SLC4A4: variants seen among roughly 807,000 people sequenced by gnomAD.
SLC4A4 encodes the protein electrogenic sodium bicarbonate cotransporter 1.
Under a neutral mutation model 111.5 loss-of-function variants are expected in SLC4A4, and 27 were observed. The observed-to-expected ratio is 0.24, with a 90% CI of 0.18 to 0.33. The LOEUF (loss-of-function observed/expected upper bound fraction) is 0.33, where lower values mean the gene tolerates loss of function less well. SLC4A4 is among the 10% of genes least tolerant of loss of function. The pLI is 1.00. For missense variants in SLC4A4, 909 were observed against 1,315.5 expected, an observed-to-expected ratio of 0.69 and a Z score of 4.78; for synonymous variants, 443 against 463.4, an observed-to-expected ratio of 0.96 and a Z score of 0.57.
At position 71,459,301 on chromosome 4, in the gene SLC4A4, G is replaced by T. The variant is rs926187422; in HGVS notation, c.1497+5632G>T. On this transcript the variant is annotated intron_variant, in intron 12 of 25. Transcript: ENST00000264485. ...TGACTTGCAACTGTTTTGAGAATAAGATATAATTATGTATTGTAGAAAATT... is the reference window on the plus strand; with the variant it reads ...TGACTTGCAACTGTTTTGAGAATAATATATAATTATGTATTGTAGAAAATT... Among the ~76,000 whole-genome samples, 4 of 151,988 alleles carry T rather than the reference G, an allele frequency of 2.6e-5. No individual in the cohort carries two copies. The East Asian group carries it at 5.8e-4, about 22-fold the overall frequency.
At chr4:71,386,061 A>T (rs1159782563) in intron 6 of SLC4A4, among the ~76,000 whole-genome samples, 3 of 151,018 alleles carry the variant, frequency 2.0e-5, no homozygotes, top group Non-Finnish European at 4.4e-5. Flanking sequence ...TTTCATGCTC[A>T]ATTGATGATT....
At chr4:71,478,050 A>G (rs545069659) in intron 14 of SLC4A4, among the ~76,000 whole-genome samples, 1 of 152,162 alleles carries the variant, frequency 6.6e-6, no homozygotes, top group African/African-American at 2.4e-5. Context: ...AATGCAAATC[A>G]AAACCACAAT....
At position 71,347,691 on chromosome 4, in the gene SLC4A4, G is replaced by A. The variant is rs1026690099; in HGVS notation, c.390-2221G>A. Among the ~76,000 whole-genome samples, 9 of 152,254 alleles carry A rather than the reference G, an allele frequency of 5.9e-5. No individual in the cohort carries two copies. In the East Asian group the frequency reaches 1.7e-3, roughly 29 times the overall value. On this transcript the variant is annotated intron_variant, in intron 4 of 25. Coordinates refer to ENST00000264485, the MANE Select transcript of SLC4A4 (RefSeq NM_001098484.3). Reference sequence around the variant, plus strand: ...AAAAGAACTACTGTATATAAGTGAGGCTTAGTTTTTTTTTAAGTAATAGAA... The same window carrying A: ...AAAAGAACTACTGTATATAAGTGAGACTTAGTTTTTTTTTAAGTAATAGAA...
At chr4:71,248,026 A>G (rs1200875592) in intron 2 of SLC4A4, among the ~76,000 whole-genome samples, 2 of 151,378 alleles carry the variant, frequency 1.3e-5, no homozygotes, top group Admixed American at 6.6e-5. Context: ...GCTTCTGGAC[A>G]GAGTTAGGGA....
chr4:71,199,944 T>A (rs1746174306), intron 1 of SLC4A4, among the ~76,000 whole-genome samples: 2 of 144,940 alleles, frequency 1.4e-5, no homozygotes, highest in African/African-American at 2.7e-5. Context: ...AACCACTGTG[T>A]CCAGCCCACG....
At chr4:71,149,316 T>C (rs1744256526) in intron 2 of SLC4A4, among the ~76,000 whole-genome samples, 1 of 152,068 alleles carries the variant, frequency 6.6e-6, no homozygotes, top group South Asian at 2.1e-4. Flanking sequence ...AGAAAAAAAA[T>C]TATAAGAAGA....
chr4:71,127,568 A>C (rs1307338840), intron 2 of SLC4A4, among the ~76,000 whole-genome samples: 2 of 152,238 alleles, frequency 1.3e-5, no homozygotes, highest in Non-Finnish European at 2.9e-5. Context: ...AACAAAAAGT[A>C]TATTAAATCA....
At chr4:71,437,253 T>TA (rs1724244993) in intron 7 of SLC4A4, 2 of 367,844 alleles carry the variant, frequency 5.4e-6, no homozygotes, top group Non-Finnish European at 1.1e-5. Context: ...TATCAAGCCT[T>TA]TGCCCAGTGA....
intron 7 of SLC4A4, chr4:71,437,404 C>A (rs765948305): frequency 1.7e-5 from 5 of 298,206 alleles, no homozygotes; most frequent in Admixed American, 4.0e-5. Flanking sequence ...GGGATTGCAT[C>A]GGGTAATACT....
intron 1 of SLC4A4, among the ~76,000 whole-genome samples, chr4:71,071,168 G>A (rs1255501568): frequency 6.6e-6 from 1 of 151,600 alleles, no homozygotes; most frequent in Non-Finnish European, 1.5e-5. Flanking sequence ...CTATTCAGGA[G>A]ACTGAGGCAG....
chr4:71,565,890 T>G (rs1427171430), intron 24 of SLC4A4, among the ~76,000 whole-genome samples: 1 of 151,850 alleles, frequency 6.6e-6, no homozygotes, highest in African/African-American at 2.4e-5. Flanking sequence ...GGGCTCCCCA[T>G]GATATGGCCT....
At chr4:71,255,504 C>T (rs1271603856) in intron 3 of SLC4A4, 105 bp downstream of exon 3, 8 of 1,135,050 alleles carry the variant, frequency 7.0e-6, no homozygotes, top group Non-Finnish European at 9.3e-6. Context: ...CACTGTAATA[C>T]TGAGATGTTT....
intron 7 of SLC4A4, among the ~76,000 whole-genome samples, chr4:71,414,635 C>A (rs971765396): frequency 6.6e-6 from 1 of 152,146 alleles, no homozygotes; most frequent in Non-Finnish European, 1.5e-5. Flanking sequence ...GAAGAGAATG[C>A]ATGTAAAACA....
intron 2 of SLC4A4, among the ~76,000 whole-genome samples, chr4:71,141,213 G>T (rs113442221): frequency 1.3e-5 from 2 of 152,222 alleles, no homozygotes; most frequent in East Asian, 3.9e-4. Flanking sequence ...CTATGAGTTC[G>T]ATTATTTCAG....
In SLC4A4 at chr4:71,236,576, G is replaced by C. The variant is rs1719829842; in HGVS notation, c.-1G>C. ...CTTTTTTTCTTTTTTATTACTATAGGATGGAGGATGAAGCTGTCCTGGACA... is the reference window on the plus strand; with the variant it reads ...CTTTTTTTCTTTTTTATTACTATAGCATGGAGGATGAAGCTGTCCTGGACA... On this transcript the variant is annotated splice_region_variant and 5_prime_UTR_variant, in exon 2 of 26. Coordinates refer to ENST00000264485, the MANE Select transcript of SLC4A4 (RefSeq NM_001098484.3). 1 of 1,613,102 alleles carries C rather than the reference G, an allele frequency of 6.2e-7. No homozygotes were observed.
At chr4:71,555,786 C>T (rs548954858) in intron 21 of SLC4A4, among the ~76,000 whole-genome samples, 1 of 152,026 alleles carries the variant, frequency 6.6e-6, no homozygotes, top group African/African-American at 2.4e-5. Flanking sequence ...CTTTTAATCT[C>T]AGCTACTTGG....
At chr4:71,150,445 T>A (rs1744285042) in intron 2 of SLC4A4, among the ~76,000 whole-genome samples, 1 of 152,160 alleles carries the variant, frequency 6.6e-6, no homozygotes, top group Non-Finnish European at 1.5e-5. Context: ...ATATCCTGAT[T>A]CCCTCATGTG....
chr4:71,417,617 T>C (rs2149012045), intron 7 of SLC4A4, among the ~76,000 whole-genome samples: 1 of 152,354 alleles, frequency 6.6e-6, no homozygotes, highest in Admixed American at 6.5e-5. Flanking sequence ...AGTGCTGTTG[T>C]CTTTATTTGG....
intron 14 of SLC4A4, among the ~76,000 whole-genome samples, chr4:71,481,580 G>A (rs979343023): frequency 6.6e-6 from 1 of 151,662 alleles, no homozygotes; most frequent in Non-Finnish European, 1.5e-5. Context: ...GAAGAAGTCA[G>A]CTTAAATGCC....
Sources: gnomAD v4.1 joint callset for allele counts (sites outside exome capture counted in the v4.1 genomes callset) on GRCh38, gnomAD v4.1.1 for gene constraint, MANE v1.5 for transcripts, NCBI Gene and HGNC (gene_info 2026-07-23, HGNC 2026-07-21) for gene names.